SORL1: variants seen among roughly 807,000 people sequenced by gnomAD.
SORL1 encodes sortilin related receptor 1.
Under a neutral mutation model 273.7 loss-of-function variants are expected in SORL1, and 127 were observed. The observed-to-expected ratio is 0.46, with a 90% CI of 0.40 to 0.54. SORL1 has a LOEUF of 0.54. SORL1 is among the 20% of genes least tolerant of loss of function. The pLI, the probability that SORL1 is intolerant of heterozygous loss-of-function variation, is 0.00. For missense variants in SORL1, 2,494 were observed against 2,846.1 expected, an observed-to-expected ratio of 0.88 and a Z score of 2.81; for synonymous variants, 1,031 against 1,067.4, an observed-to-expected ratio of 0.97 and a Z score of 0.66.
At chr11:121,569,297 C>T (rs1305527888) in intron 22 of SORL1, among the ~76,000 whole-genome samples, 1 of 152,190 alleles carries the variant, frequency 6.6e-6, no homozygotes, top group Non-Finnish European at 1.5e-5. Flanking sequence ...AATATGAAAT[C>T]TGGGCACCTT....
intron 2 of SORL1, among the ~76,000 whole-genome samples, chr11:121,476,698 C>T (rs11218303): frequency 0.12 from 16,789 of 145,442 alleles, 1,098 homozygotes; most frequent in African/African-American, 0.18. Context: ...TTCCTTCCCT[C>T]CCTCCCTTCC....
Position 121,608,002 on chromosome 11 carries a change from C to T in SORL1, c.5167-102C>T. 3.9e-6 allele frequency: 4 copies of T among 1,027,294 alleles called. No homozygotes were observed. In the East Asian group the frequency reaches 7.5e-5, roughly 19 times the overall value. 63.6% of individuals were successfully genotyped at this position (1,027,294 alleles called of 1,614,324 possible). A position where few individuals can be genotyped will look rare whatever the true frequency, so the allele number is the denominator to read the frequency against. ...ACTCTGTATAAAATTTTTCCAGCCT[C>T]ACTGCCAAAATCTCACCCCTTTAGC... On this transcript the variant is annotated intron_variant, in intron 37 of 47. Transcript: ENST00000260197.
intron 8 of SORL1, among the ~76,000 whole-genome samples, chr11:121,519,324 C>T (rs1862001663): frequency 6.6e-6 from 1 of 152,052 alleles, no homozygotes; most frequent in Admixed American, 6.6e-5. Context: ...ATGCGTGTAT[C>T]ATTTTAGCGC....
In SORL1 at chr11:121,591,164, C is replaced by G. The variant is rs200230280; in HGVS notation, c.4369+8C>G. On this transcript the variant is annotated splice_region_variant and intron_variant, in intron 31 of 47. Transcript: ENST00000260197. Reference sequence around the variant, plus strand: ...AAGCCTGCCCCTTGCTTGGTGAGTTCTGGCCCAGGTCCTCTCCTGTGGTAC... The same window carrying G: ...AAGCCTGCCCCTTGCTTGGTGAGTTGTGGCCCAGGTCCTCTCCTGTGGTAC... 16 of 1,614,010 alleles carry G rather than the reference C, an allele frequency of 9.9e-6. No homozygotes were observed. The highest frequency in any genetic ancestry group is 1.7e-4 in the Middle Eastern group (1 of 6,040).
intron 32 of SORL1, among the ~76,000 whole-genome samples, chr11:121,603,776 A>G (rs565099279): frequency 3.3e-5 from 5 of 152,368 alleles, no homozygotes; most frequent in East Asian, 1.9e-4. Flanking sequence ...TAATAGTACT[A>G]TAGAGTAATA....
intron 2 of SORL1, among the ~76,000 whole-genome samples, chr11:121,471,456 C>T (rs1471746957): frequency 2.6e-5 from 4 of 152,230 alleles, no homozygotes; most frequent in East Asian, 1.9e-4. Flanking sequence ...GTGCTCTGGA[C>T]TCCTCCTTGT....
Position 121,631,854 on chromosome 11 carries a change from G to A in SORL1, c.*2291G>A, listed in dbSNP as rs1863881492. On this transcript the variant is annotated 3_prime_UTR_variant, in exon 48 of 48. Transcript: ENST00000260197. ...AAGTTCCTGAAGACTAAGCTAGATA[G>A]CTGCAGCTATATGTAAATTGTATAT... The A allele has an allele frequency of 1.3e-5, 2 of 152,224 alleles. No homozygotes were observed. Among genetic ancestry groups the A allele is most frequent in the South Asian group, 4.1e-4 (2 of 4,826 alleles). The allele number at this position is 152,224 out of a possible 1,614,324, so 9.4% of individuals were successfully genotyped here. A position where few individuals can be genotyped will look rare whatever the true frequency, so the allele number is the denominator to read the frequency against.
chr11:121,611,250 AAAAAC>A (rs1863559519), intron 39 of SORL1, 92 bp downstream of exon 39: 1 of 853,400 alleles, frequency 1.2e-6, no homozygotes, highest in African/African-American at 1.7e-5. Context: ...GAAAAAAACA[AAAAAC>A]AAAAAACAAA....
At chr11:121,620,325 G>A (rs559234361) in intron 43 of SORL1, among the ~76,000 whole-genome samples, 1 of 152,310 alleles carries the variant, frequency 6.6e-6, no homozygotes, top group South Asian at 2.1e-4. Context: ...GATCAGCAGA[G>A]TTGTTGTGGT....
At chr11:121,580,162 G>T (rs950601396) in intron 25 of SORL1, among the ~76,000 whole-genome samples, 2 of 152,190 alleles carry the variant, frequency 1.3e-5, no homozygotes, top group African/African-American at 4.8e-5. Flanking sequence ...TTTAAGATCT[G>T]AGAATTTTTC....
At position 121,590,080 on chromosome 11, in the gene SORL1, G is replaced by A; in HGVS notation, c.4119G>A (p.Gln1373=). 1 of 1,614,186 alleles carries A rather than the reference G, an allele frequency of 6.2e-7. No homozygotes were observed. Residue 1373 remains glutamine, a synonymous_variant, in exon 30 of 48, where the codon CAG becomes CAA. Transcript: ENST00000260197. ...TEAPNCSRYF[Q]FRCENGHCIP... is the part of the protein sequence containing the mutation. ...CCCCAAACTGCTCCCGCTACTTCCA[G>A]TTTCGGTGTGAGAATGGCCACTGCA...
chr11:121,565,105 G>T (rs1320043448), intron 21 of SORL1, among the ~76,000 whole-genome samples: 1 of 152,228 alleles, frequency 6.6e-6, no homozygotes, highest in Admixed American at 6.5e-5. Flanking sequence ...GTGAAGGGAT[G>T]TCTGGGACTT....
Position 121,624,613 on chromosome 11 carries a change from A to G in SORL1, c.6172-472A>G, listed in dbSNP as rs548232239. Among the ~76,000 whole-genome samples, 51 of 152,300 alleles carry G rather than the reference A, an allele frequency of 3.3e-4. 2 individuals are homozygous for G. Among genetic ancestry groups the G allele is most frequent in the Middle Eastern group, 3.4e-3 (1 of 294 alleles). The stretch of plus-strand genomic sequence containing the variant: ...AGTGAGCCGACAAGGTCATTCCTAC[A>G]TATTGTTCTGGGGACAAATGTCTTG... On this transcript the variant is annotated intron_variant, in intron 45 of 47. Transcript: ENST00000260197.
At chr11:121,589,520 A>G in intron 29 of SORL1, 130 bp downstream of exon 29, 1 of 1,141,004 alleles carries the variant, frequency 8.8e-7, no homozygotes, top group Non-Finnish European at 1.3e-6. Flanking sequence ...AGTTGCTGCC[A>G]GTTCCTGAAT....
chr11:121,474,511 A>G (rs1861229463), intron 2 of SORL1, among the ~76,000 whole-genome samples: 1 of 152,236 alleles, frequency 6.6e-6, no homozygotes, highest in South Asian at 2.1e-4. Context: ...CAAGGGAAAG[A>G]ATTAAAAATC....
At chr11:121,565,302 TTC>T (rs1221479503) in intron 21 of SORL1, among the ~76,000 whole-genome samples, 1 of 152,264 alleles carries the variant, frequency 6.6e-6, no homozygotes, top group Non-Finnish European at 1.5e-5. Context: ...TGTGTGTGTT[TTC>T]TCTTTGGTAA....
At chr11:121,462,688 G>A (rs1338855882) in intron 1 of SORL1, among the ~76,000 whole-genome samples, 2 of 152,096 alleles carry the variant, frequency 1.3e-5, no homozygotes, top group African/African-American at 2.4e-5. Flanking sequence ...GGGCACAAGC[G>A]ATCCTCCCAC....
intron 22 of SORL1, among the ~76,000 whole-genome samples, chr11:121,568,222 C>A (rs113230953): frequency 6.6e-6 from 1 of 152,310 alleles, no homozygotes; most frequent in East Asian, 1.9e-4. Context: ...CTTCTCACAG[C>A]GGCCCAAGTC....
intron 24 of SORL1, chr11:121,576,783 C>A: frequency 1.3e-6 from 2 of 1,493,408 alleles, no homozygotes; most frequent in South Asian, 1.3e-5. Context: ...AGTTATGTTT[C>A]CTCCGTTTTG....
Sources: gnomAD v4.1 joint callset for allele counts (sites outside exome capture counted in the v4.1 genomes callset) on GRCh38, gnomAD v4.1.1 for gene constraint, MANE v1.5 for transcripts, NCBI Gene and HGNC (gene_info 2026-07-23, HGNC 2026-07-21) for gene names.